DNAH14: variants seen among roughly 807,000 people sequenced by gnomAD.
The protein encoded by DNAH14 is dynein axonemal heavy chain 14, also known as axonemal beta dynein heavy chain 14.
A neutral mutation model predicts 520.9 loss-of-function variants in DNAH14; 478 were observed. The observed-to-expected ratio is 0.92, with a 90% CI of 0.85 to 0.99. DNAH14 has a LOEUF of 0.99. Among genes scored for constraint, DNAH14 ranks in the 50% least tolerant of loss-of-function variants. DNAH14 has a pLI of 0.00. For missense variants in DNAH14, 4,831 were observed against 5,234.5 expected (o/e 0.92, Z 2.38); for synonymous variants, 1,581 against 1,757.2 (o/e 0.90, Z 2.51).
Position 225,266,712 on chromosome 1 carries a change from G to C in DNAH14, c.7482G>C (p.Leu2494Phe). 6.5e-7 allele frequency: 1 copy of C among 1,528,266 alleles called. No individual in the cohort carries two copies. Among genetic ancestry groups the C allele is most frequent in the Admixed American group, 2.3e-5 (1 of 43,134 alleles). The allele number at this position is 1,528,266 out of a possible 1,614,324, so 94.7% of individuals were successfully genotyped here. A position where few individuals can be genotyped will look rare whatever the true frequency, so the allele number is the denominator to read the frequency against. ...ATGGAGCACAGCCACCCCTGGAATT[G>C]ATAAGACAATTGTTAGATTTGGGAG... ...DMYGAQPPLE[L>F]IRQLLDLGGV... Residue 2494 changes from leucine to phenylalanine, a missense_variant, in exon 49 of 86, where the codon TTG becomes TTC. Physicochemically the swap from Leu to Phe is conservative, Grantham distance 22. Transcript: ENST00000682510.
chr1:225,109,627 A>G (rs1241782640), intron 23 of DNAH14, among the ~76,000 whole-genome samples: 1 of 152,104 alleles, frequency 6.6e-6, no homozygotes, highest in African/African-American at 2.4e-5. Flanking sequence ...GTTTTCCCCT[A>G]TATAAGATCA....
At chr1:225,361,092 C>A (rs1336504164) in intron 75 of DNAH14, among the ~76,000 whole-genome samples, 1 of 152,150 alleles carries the variant, frequency 6.6e-6, no homozygotes, top group Non-Finnish European at 1.5e-5. Flanking sequence ...CAGTTTTTAT[C>A]TTTTTAAGGC....
chr1:224,982,857 G>A (rs952387893), intron 8 of DNAH14, among the ~76,000 whole-genome samples: 1 of 152,168 alleles, frequency 6.6e-6, no homozygotes, highest in Non-Finnish European at 1.5e-5. Context: ...ATTGAGGCTT[G>A]TTTTATGGCC....
At chr1:224,979,085 A>G (rs2062069911) in intron 8 of DNAH14, among the ~76,000 whole-genome samples, 1 of 152,180 alleles carries the variant, frequency 6.6e-6, no homozygotes, top group Non-Finnish European at 1.5e-5. Flanking sequence ...GTGGGGCAAG[A>G]TGGCAGAATA....
intron 43 of DNAH14, among the ~76,000 whole-genome samples, chr1:225,251,490 TAAG>T (rs953900614): frequency 1.3e-5 from 2 of 152,132 alleles, no homozygotes; most frequent in African/African-American, 4.8e-5. Flanking sequence ...ATAAAATTCT[TAAG>T]AAGGACAAGA....
intron 27 of DNAH14, among the ~76,000 whole-genome samples, chr1:225,126,686 G>A (rs889574752): frequency 6.6e-6 from 1 of 152,048 alleles, no homozygotes; most frequent in African/African-American, 2.4e-5. Flanking sequence ...TTTTTGAAGG[G>A]TTTTTTATGT....
chr1:225,363,498 T>G (rs535975163), intron 75 of DNAH14, among the ~76,000 whole-genome samples: 1 of 152,164 alleles, frequency 6.6e-6, no homozygotes, highest in African/African-American at 2.4e-5. Context: ...ACCACCCAGG[T>G]AGCTGGAACT....
At chr1:224,998,646 AGTTGTT>A (rs150953013) in intron 8 of DNAH14, among the ~76,000 whole-genome samples, 12 of 151,388 alleles carry the variant, frequency 7.9e-5, no homozygotes, top group East Asian at 1.9e-4. Flanking sequence ...AAATGTGTTG[AGTTGTT>A]GTTGTTGTTG....
intron 61 of DNAH14, among the ~76,000 whole-genome samples, chr1:225,320,812 A>T (rs754806296): frequency 9.2e-5 from 14 of 152,246 alleles, no homozygotes; most frequent in South Asian, 4.1e-4. Flanking sequence ...GCAAATTTCC[A>T]GTAGACACGT....
At chr1:225,041,400 C>T (rs74146613) in intron 12 of DNAH14, among the ~76,000 whole-genome samples, 3,309 of 152,266 alleles carry the variant, frequency 0.022, 124 homozygotes, top group African/African-American at 0.075. Flanking sequence ...TTGTAGTTTA[C>T]AATCTAGAGG....
At chr1:225,369,150 AT>A (rs1233390007) in intron 77 of DNAH14, among the ~76,000 whole-genome samples, 1 of 152,146 alleles carries the variant, frequency 6.6e-6, no homozygotes, top group Non-Finnish European at 1.5e-5. Flanking sequence ...AAAAAAGAAA[AT>A]AAATAACAAT....
chr1:225,187,472 G>A (rs2084900858), intron 37 of DNAH14, among the ~76,000 whole-genome samples: 1 of 151,812 alleles, frequency 6.6e-6, no homozygotes, highest in Admixed American at 6.6e-5. Context: ...TACAAGTTGA[G>A]TAGACATATG....
At chr1:225,252,726 C>T (rs554411232) in intron 44 of DNAH14, among the ~76,000 whole-genome samples, 2 of 151,532 alleles carry the variant, frequency 1.3e-5, no homozygotes, top group Admixed American at 1.3e-4. Context: ...ATTATTGGGA[C>T]AAGAAAATGG....
At chr1:225,080,288 A>G in intron 18 of DNAH14, 91 bp from the exon 19 acceptor site, 2 of 1,283,696 alleles carry the variant, frequency 1.6e-6, no homozygotes, top group Non-Finnish European at 2.1e-6. Flanking sequence ...GTAAAAGCCT[A>G]GATTATATAC....
chr1:225,058,057 G>A (rs2069403733), intron 17 of DNAH14, among the ~76,000 whole-genome samples: 3 of 152,138 alleles, frequency 2.0e-5, no homozygotes, highest in South Asian at 4.1e-4. Context: ...AATGAGTTAG[G>A]GAGGATTCCC....
chr1:225,115,121 A>G (rs531604306), intron 23 of DNAH14, among the ~76,000 whole-genome samples: 2 of 152,330 alleles, frequency 1.3e-5, no homozygotes, highest in African/African-American at 4.8e-5. Flanking sequence ...CATTTAAAGC[A>G]TAAGTGCTGG....
intron 77 of DNAH14, among the ~76,000 whole-genome samples, chr1:225,370,643 T>A (rs1400366354): frequency 6.6e-6 from 1 of 151,922 alleles, no homozygotes; most frequent in African/African-American, 2.4e-5. Flanking sequence ...GCCTTAAATG[T>A]CTCCAGTATT....
At chr1:225,188,000 A>G (rs1432253628) in intron 37 of DNAH14, among the ~76,000 whole-genome samples, 4 of 151,980 alleles carry the variant, frequency 2.6e-5, no homozygotes, top group Admixed American at 6.6e-5. Context: ...TTTCCCCACT[A>G]AATGATCTTG....
intron 47 of DNAH14, 85 bp from the exon 48 acceptor site, chr1:225,265,097 C>T (rs1165474971): frequency 3.2e-6 from 3 of 927,292 alleles, no homozygotes; most frequent in African/African-American, 1.8e-5. Flanking sequence ...ATGTAATTTT[C>T]AAATTTCATG....
Sources: gnomAD v4.1 joint callset for allele counts (sites outside exome capture counted in the v4.1 genomes callset) on GRCh38, gnomAD v4.1.1 for gene constraint, MANE v1.5 for transcripts, NCBI Gene and HGNC (gene_info 2026-07-23, HGNC 2026-07-21) for gene names.